Variants in CEMIP2 observed in about 807,000 individuals in gnomAD.
CEMIP2 encodes the protein cell migration inducing hyaluronidase 2.
Under a neutral mutation model 146.9 loss-of-function variants are expected in CEMIP2, and 79 were observed. The observed-to-expected ratio is 0.54, with a 90% CI of 0.45 to 0.65. The LOEUF (loss-of-function observed/expected upper bound fraction) is 0.65, where lower values mean the gene tolerates loss of function less well. Ranked by LOEUF, CEMIP2 falls within the 30% of genes least tolerant of loss-of-function variation. The pLI, the probability that CEMIP2 is intolerant of heterozygous loss-of-function variation, is 0.00. For synonymous variants in CEMIP2, 601 were observed against 606.3 expected (o/e 0.99, Z 0.13); for missense variants, 1,596 against 1,696.2 (o/e 0.94, Z 1.04).
In CEMIP2 at chr9:71,761,007, C is replaced by T. The variant is rs560045661; in HGVS notation, c.-13+7350G>A. On this transcript the variant is annotated intron_variant, in intron 1 of 23. Transcript: ENST00000377044. The stretch of plus-strand genomic sequence containing the variant: ...AGTGATCCTAGACCATCCCCCTTCG[C>T]CCTTGTTCTCAACTGGCTGGGAAGA... 3.3e-4 allele frequency among the ~76,000 whole-genome samples: 50 copies of T among 152,322 alleles called. 1 individual carries two copies. Among genetic ancestry groups the T allele is most frequent in the African/African-American group, 1.2e-3 (50 of 41,576 alleles).
At chr9:71,714,375 A>ATGATGATGATGG (rs1822990535) in intron 15 of CEMIP2, among the ~76,000 whole-genome samples, 2 of 151,984 alleles carry the variant, frequency 1.3e-5, no homozygotes, top group South Asian at 4.2e-4. Context: ...TGTGATGATG[A>ATGATGATGATGG]TGACAGAAAA....
chr9:71,683,539 C>CACACACACACAG lies in CEMIP2; in HGVS notation c.*1657_*1658insCTGTGTGTGTGT, dbSNP rs1821964419. 1.4e-4 allele frequency: 7 copies of CACACACACACAG among 51,702 alleles called. No homozygotes were observed. Among genetic ancestry groups the CACACACACACAG allele is most frequent in the East Asian group, 1.7e-3 (1 of 600 alleles). 3.2% of individuals were successfully genotyped at this position (51,702 alleles called of 1,614,324 possible). A position where few individuals can be genotyped will look rare whatever the true frequency, so the allele number is the denominator to read the frequency against. ...CATAAAACACACACACACACACACA[C>CACACACACACAG]ACACACACACACTCTAATGACCTTC... On this transcript the variant is annotated 3_prime_UTR_variant, in exon 24 of 24. Transcript: ENST00000377044.
intron 22 of CEMIP2, among the ~76,000 whole-genome samples, chr9:71,688,847 G>A (rs1316912411): frequency 1.3e-5 from 2 of 152,138 alleles, no homozygotes; most frequent in African/African-American, 4.8e-5. Flanking sequence ...CACGTGCTCA[G>A]TCTCCCTAGA....
Position 71,745,352 on chromosome 9 carries a change from C to G in CEMIP2, c.700G>C (p.Gly234Arg). 6.2e-7 allele frequency: 1 copy of G among 1,613,836 alleles called. No individual in the cohort carries two copies. The highest frequency in any genetic ancestry group is 8.5e-7 in the Non-Finnish European group (1 of 1,179,744). ...VEAGGTLELH[G>R]ARKASWTLLA... ...AACGTCCACGATGCCTTCCGTGCCC[C>G]ATGTAACTCCAGTGTCCCGCCAGCT... Residue 234 changes from glycine to arginine, a missense_variant, in exon 4 of 24, where the codon GGG becomes CGG. Transcript: ENST00000377044.
At chr9:71,717,677 T>C (rs1195247133) in intron 13 of CEMIP2, among the ~76,000 whole-genome samples, 1 of 152,206 alleles carries the variant, frequency 6.6e-6, no homozygotes, top group Non-Finnish European at 1.5e-5. Flanking sequence ...ATGCTTGTTA[T>C]ATAAAGTTAA....
intron 11 of CEMIP2, 112 bp downstream of exon 11, chr9:71,725,469 T>A: frequency 8.7e-7 from 1 of 1,155,764 alleles, no homozygotes; most frequent in Non-Finnish European, 1.2e-6. Flanking sequence ...ATAAGTTAAC[T>A]AGTCTGTGAT....
chr9:71,712,180 G>A lies in CEMIP2; in HGVS notation c.2672C>T (p.Thr891Ile), dbSNP rs749771018. 3 of 1,614,178 alleles carry A rather than the reference G, an allele frequency of 1.9e-6. No individual in the cohort carries two copies. Among genetic ancestry groups the A allele is most frequent in the South Asian group, 1.1e-5 (1 of 91,084 alleles). Residue 891 changes from threonine to isoleucine, a missense_variant, in exon 16 of 24, where the codon ACT (threonine) becomes ATT (isoleucine). By Grantham distance (89) the Thr-to-Ile change is moderately conservative (BLOSUM62 -1). Coordinates refer to ENST00000377044, the MANE Select transcript of CEMIP2 (RefSeq NM_013390.3). ...AATTGCACTGCTGTACCTATCTGGAGTTGGCACATATTTTTTGAAAGTGCT... is the reference window on the plus strand; with the variant it reads ...AATTGCACTGCTGTACCTATCTGGAATTGGCACATATTTTTTGAAAGTGCT... ...TRSTFKKYVP[T>I]PDRYSSAIGF...
chr9:71,705,358 A>G (rs868564938), intron 17 of CEMIP2, among the ~76,000 whole-genome samples: 12 of 152,154 alleles, frequency 7.9e-5, no homozygotes, highest in Non-Finnish European at 1.5e-4. Context: ...GACAAATTTG[A>G]AAGTCCTGAA....
At chr9:71,734,470 T>G (rs1030322769) in intron 6 of CEMIP2, among the ~76,000 whole-genome samples, 5 of 152,202 alleles carry the variant, frequency 3.3e-5, no homozygotes, top group African/African-American at 1.2e-4. Context: ...CGTTTACCTA[T>G]GTAATGAACC....
At chr9:71,731,605 C>T (rs775936699) in intron 7 of CEMIP2, among the ~76,000 whole-genome samples, 10 of 152,036 alleles carry the variant, frequency 6.6e-5, no homozygotes, top group Non-Finnish European at 1.2e-4. Flanking sequence ...GTGGTGTACA[C>T]CTGTAGTCCC....
chr9:71,764,919 CT>C (rs397933000), intron 1 of CEMIP2, among the ~76,000 whole-genome samples: 3,762 of 144,628 alleles, frequency 0.026, 150 homozygotes, highest in African/African-American at 0.085. Context: ...GCTTTTCTTC[CT>C]TTTTTTTTTT....
At chr9:71,736,614 C>G (rs1246333020) in intron 5 of CEMIP2, among the ~76,000 whole-genome samples, 7 of 152,168 alleles carry the variant, frequency 4.6e-5, no homozygotes, top group African/African-American at 1.7e-4. Flanking sequence ...GTTAAGCAGA[C>G]AGGAACTGAA....
intron 5 of CEMIP2, among the ~76,000 whole-genome samples, chr9:71,736,301 C>T (rs898267839): frequency 2.6e-5 from 4 of 152,162 alleles, no homozygotes; most frequent in African/African-American, 9.7e-5. Flanking sequence ...CGGTATACTG[C>T]CTGGTATTGT....
At chr9:71,730,623 T>C (rs1181114756) in intron 8 of CEMIP2, 82 bp downstream of exon 8, 2 of 1,394,540 alleles carry the variant, frequency 1.4e-6, no homozygotes, top group East Asian at 4.7e-5. Flanking sequence ...ACAGTTTACA[T>C]ATATAAAATT....
Position 71,733,922 on chromosome 9 carries a change from C to T in CEMIP2, c.1393+884G>A, listed in dbSNP as rs577343768. 1.7e-3 allele frequency among the ~76,000 whole-genome samples: 261 copies of T among 152,094 alleles called. 2 individuals carry two copies. The highest frequency in any genetic ancestry group is 2.7e-3 in the Non-Finnish European group (186 of 68,006). On this transcript the variant is annotated intron_variant, in intron 6 of 23. Coordinates refer to ENST00000377044, the MANE Select transcript of CEMIP2 (RefSeq NM_013390.3). ...GCAGTGACATGATCTCAGCTCACTG[C>T]GACCTTCGCCTCCTGGGTTCAAGCG...
chr9:71,722,120 A>C (rs185433230), intron 12 of CEMIP2, among the ~76,000 whole-genome samples: 2 of 152,346 alleles, frequency 1.3e-5, no homozygotes, highest in East Asian at 3.9e-4. Context: ...ATCATACTGC[A>C]CACCAAATTT....
intron 18 of CEMIP2, among the ~76,000 whole-genome samples, chr9:71,703,902 C>T (rs138441939): frequency 2.0e-5 from 3 of 152,156 alleles, no homozygotes; most frequent in Non-Finnish European, 4.4e-5. Flanking sequence ...AATAGTTGCT[C>T]TATCATTTGT....
Position 71,740,077 on chromosome 9 carries a change from C to T in CEMIP2, c.1190G>A (p.Ser397Asn), listed in dbSNP as rs375153167. 9 of 1,613,994 alleles carry T rather than the reference C, an allele frequency of 5.6e-6. No homozygotes were observed. The highest frequency in any genetic ancestry group is 7.6e-6 in the Non-Finnish European group (9 of 1,179,976). Residue 397 changes from serine (S) to asparagine (N), a missense_variant, in exon 5 of 24, where the codon AGT (serine) becomes AAT (asparagine). Physicochemically the swap from Ser to Asn is conservative, Grantham distance 46. Coordinates refer to ENST00000377044, the MANE Select transcript of CEMIP2 (RefSeq NM_013390.3). Reference protein sequence around the residue: ...DGQKFSVTAYSEWIEGVSLSG... With the variant: ...DGQKFSVTAYNEWIEGVSLSG... ...TACTTGCCTACCTTCAATCCATTCA[C>T]TATAAGCTGTCACAGAGAACTTCTG...
chr9:71,755,961 C>CAAAAAAA (rs55972127), intron 1 of CEMIP2, among the ~76,000 whole-genome samples: 4 of 52,888 alleles, frequency 7.6e-5, no homozygotes, highest in African/African-American at 2.7e-4. Flanking sequence ...CTCTGTCTCA[C>CAAAAAAA]AAAAAAAAAA....
Sources: gnomAD v4.1 joint callset for allele counts (sites outside exome capture counted in the v4.1 genomes callset) on GRCh38, gnomAD v4.1.1 for gene constraint, MANE v1.5 for transcripts, NCBI Gene and HGNC (gene_info 2026-07-23, HGNC 2026-07-21) for gene names.